The following DNAH5 variants were observed in gnomAD, a reference collection of about 807,000 sequenced individuals.
DNAH5 encodes the protein dynein axonemal heavy chain 5.
Under a neutral mutation model 518.2 loss-of-function variants are expected in DNAH5, and 372 were observed. That is an observed-to-expected ratio of 0.72 (90% CI 0.66 to 0.78). DNAH5 has a LOEUF of 0.78. DNAH5 is among the 30% of genes least tolerant of loss of function. The probability of loss-of-function intolerance (pLI) is 0.00; values close to 1 mark genes in which losing one functional copy is unlikely to be tolerated. For missense variants in DNAH5, 5,523 were observed against 5,687.0 expected, an observed-to-expected ratio of 0.97 and a Z score of 0.93; for synonymous variants, 2,039 against 2,025.9, an observed-to-expected ratio of 1.01 and a Z score of -0.17.
At position 13,906,804 on chromosome 5, in the gene DNAH5, A is replaced by C. The variant is rs1775356447; in HGVS notation, c.1644+4582T>G. Among the ~76,000 whole-genome samples, 5 of 152,200 alleles carry C rather than the reference A, an allele frequency of 3.3e-5. No individual in the cohort carries two copies. In the South Asian group the frequency reaches 1.0e-3, roughly 31 times the overall value. On this transcript the variant is annotated intron_variant, in intron 12 of 78. Coordinates refer to ENST00000265104, the MANE Select transcript of DNAH5 (RefSeq NM_001369.3). ...AACAACATATGTACTACATATTAAA[A>C]TTTGTAAGAAACAGCAATAGTGACC...
chr5:13,702,770 A>C (rs1742282403), intron 76 of DNAH5, among the ~76,000 whole-genome samples: 1 of 152,190 alleles, frequency 6.6e-6, no homozygotes, highest in Admixed American at 6.5e-5. Flanking sequence ...TGGAGAAGAC[A>C]AGAAGCAGCA....
At chr5:13,933,891 C>CA (rs992965404) in intron 1 of DNAH5, among the ~76,000 whole-genome samples, 10 of 150,922 alleles carry the variant, frequency 6.6e-5, no homozygotes, top group African/African-American at 2.4e-4. Context: ...CCAATAGCAA[C>CA]AATGCTACAC....
intron 68 of DNAH5, among the ~76,000 whole-genome samples, chr5:13,732,595 C>T (rs1165213392): frequency 6.6e-6 from 1 of 152,070 alleles, no homozygotes; most frequent in African/African-American, 2.4e-5. Flanking sequence ...TCTTGAACTC[C>T]TGACCTCAAG....
intron 1 of DNAH5, among the ~76,000 whole-genome samples, chr5:13,937,783 T>C (rs1056138246): frequency 3.3e-5 from 5 of 152,304 alleles, no homozygotes; most frequent in African/African-American, 1.2e-4. Flanking sequence ...TTGCACACGT[T>C]GAAATGAATA....
At chr5:13,986,236 CTGAG>C (rs1783049976) in intron 1 of DNAH5, among the ~76,000 whole-genome samples, 3 of 152,196 alleles carry the variant, frequency 2.0e-5, no homozygotes, top group South Asian at 4.1e-4. Flanking sequence ...TGTGTGCATT[CTGAG>C]CTTCCCAGCA....
At chr5:13,763,643 T>A (rs949084431) in intron 59 of DNAH5, among the ~76,000 whole-genome samples, 1 of 152,198 alleles carries the variant, frequency 6.6e-6, no homozygotes, top group Admixed American at 6.5e-5. Flanking sequence ...GGAAAGAAAT[T>A]TAGCAACTAA....
At chr5:13,844,439 AC>A (rs1765687111) in intron 32 of DNAH5, among the ~76,000 whole-genome samples, 1 of 152,228 alleles carries the variant, frequency 6.6e-6, no homozygotes, top group Non-Finnish European at 1.5e-5. Flanking sequence ...TGTTAAAAAA[AC>A]AAAAAAAGTT....
rs372700104 is a variant in DNAH5, at chr5:13,762,683, G to A, written c.10281+39C>T. ...TAAGACGGGTCGACCTGGAGACTCCGCCCAGCCACCTTCACCCAGGTCTGC... is the reference window on the plus strand; with the variant it reads ...TAAGACGGGTCGACCTGGAGACTCCACCCAGCCACCTTCACCCAGGTCTGC... On this transcript the variant is annotated intron_variant, in intron 60 of 78. Coordinates refer to ENST00000265104, the MANE Select transcript of DNAH5 (RefSeq NM_001369.3). 2.1e-5 allele frequency: 34 copies of A among 1,599,322 alleles called. No homozygotes were observed. The South Asian group carries it at 2.8e-4, about 13-fold the overall frequency.
Position 13,701,347 on chromosome 5 carries a change from T to C in DNAH5, c.13428A>G (p.Arg4476=), listed in dbSNP as rs1300134130. The change falls in exon 77 of 79, where the codon CGA becomes CGG. Residue 4476 remains arginine (R), a synonymous_variant. Transcript: ENST00000265104. ...SQFTSWVFNG[R]PHCFWMTGFF... is the part of the protein sequence containing the mutation. Reference sequence around the variant, plus strand: ...AACCCGTCATCCAAAAGCAGTGAGGTCGGCCATTGAAAACCCACGAGGTAA... The same window carrying C: ...AACCCGTCATCCAAAAGCAGTGAGGCCGGCCATTGAAAACCCACGAGGTAA... 6.2e-7 allele frequency: 1 copy of C among 1,614,056 alleles called. No homozygotes were observed. The highest frequency in any genetic ancestry group is 8.5e-7 in the Non-Finnish European group (1 of 1,179,990).
At chr5:13,959,419 T>C (rs1376719346) in intron 1 of DNAH5, among the ~76,000 whole-genome samples, 1 of 152,124 alleles carries the variant, frequency 6.6e-6, no homozygotes, top group African/African-American at 2.4e-5. Flanking sequence ...GTGGTGAAGG[T>C]TGGGGAGAGG....
intron 35 of DNAH5, among the ~76,000 whole-genome samples, chr5:13,832,551 C>T (rs1763812689): frequency 1.3e-5 from 2 of 152,202 alleles, no homozygotes; most frequent in Non-Finnish European, 2.9e-5. Context: ...AAACCGTTTC[C>T]ATTCATGAAC....
chr5:13,936,612 T>C (rs995291573), intron 1 of DNAH5, among the ~76,000 whole-genome samples: 1 of 151,930 alleles, frequency 6.6e-6, no homozygotes, highest in Non-Finnish European at 1.5e-5. Context: ...TTGAAAGAGG[T>C]TTGTGAGGGT....
intron 1 of DNAH5, among the ~76,000 whole-genome samples, chr5:13,976,650 ATAGG>A (rs1782261952): frequency 6.6e-6 from 1 of 151,202 alleles, no homozygotes; most frequent in African/African-American, 2.4e-5. Flanking sequence ...GAACTTTATC[ATAGG>A]TATGTATGTA....
intron 38 of DNAH5, among the ~76,000 whole-genome samples, 164 bp from the exon 39 acceptor site, chr5:13,824,497 T>A (rs1054337216): frequency 1.3e-5 from 2 of 152,242 alleles, no homozygotes; most frequent in Non-Finnish European, 2.9e-5. Context: ...AGATATACGT[T>A]TTGAGCAAAT....
chr5:13,906,610 C>A (rs1775332883), intron 12 of DNAH5, among the ~76,000 whole-genome samples: 1 of 151,978 alleles, frequency 6.6e-6, no homozygotes, highest in Non-Finnish European at 1.5e-5. Context: ...CAGTAAATAC[C>A]AAAATACTGA....
chr5:13,755,118 A>T (rs1034371884), intron 61 of DNAH5, among the ~76,000 whole-genome samples: 1 of 152,074 alleles, frequency 6.6e-6, no homozygotes, highest in Non-Finnish European at 1.5e-5. Flanking sequence ...ATCCGCTCAA[A>T]AAAACACAAA....
chr5:13,708,021 G>T (rs1287065966), intron 76 of DNAH5, 102 bp downstream of exon 76: 6 of 1,369,878 alleles, frequency 4.4e-6, no homozygotes, highest in Middle Eastern at 1.8e-4. Flanking sequence ...CTGTGCAAAA[G>T]AATCATGTTG....
At position 14,003,686 on chromosome 5, in the gene DNAH5, G is replaced by C. The variant is rs564351758; in HGVS notation, c.12+7962C>G. On this transcript the variant is annotated intron_variant, in intron 1 of 78. Transcript: ENST00000681290. Reference sequence around the variant, plus strand: ...GTGGAGGAGAGACTGTCACTGCTTTGACAAATAGATTACAGTGGAAGTGAC... The same window carrying C: ...GTGGAGGAGAGACTGTCACTGCTTTCACAAATAGATTACAGTGGAAGTGAC... Among the ~76,000 whole-genome samples the C allele has an allele frequency of 4.6e-5, 7 of 152,326 alleles. No individual in the cohort carries two copies. In the East Asian group the frequency reaches 1.3e-3, roughly 29 times the overall value.
chr5:13,788,616 T>G lies in DNAH5; in HGVS notation c.8647+100A>C, dbSNP rs1034309436. On this transcript the variant is annotated intron_variant, in intron 51 of 78. Transcript: ENST00000265104. ...TCAGGCTTGTATCAATAAAGTTTAC[T>G]AGAAAGAAACTCAACATCCATAAAC... 6.9e-6 allele frequency: 7 copies of G among 1,011,866 alleles called. No homozygotes were observed. The African/African-American group carries it at 1.1e-4, about 16-fold the overall frequency. The allele number at this position is 1,011,866 out of a possible 1,614,324, so 62.7% of individuals were successfully genotyped here. A position where few individuals can be genotyped will look rare whatever the true frequency, so the allele number is the denominator to read the frequency against.
Sources: gnomAD v4.1 joint callset for allele counts (sites outside exome capture counted in the v4.1 genomes callset) on GRCh38, gnomAD v4.1.1 for gene constraint, MANE v1.5 for transcripts, NCBI Gene and HGNC (gene_info 2026-07-23, HGNC 2026-07-21) for gene names.